Variants in DICER1 observed in about 807,000 individuals in gnomAD.
DICER1 encodes the protein endoribonuclease Dicer.
Under a neutral mutation model 194.1 loss-of-function variants are expected in DICER1, and 43 were observed. The ratio of observed to expected loss-of-function variants is 0.22; its 90% CI spans 0.17 to 0.29. The LOEUF is 0.29. DICER1 is among the 10% of genes least tolerant of loss of function. The probability of loss-of-function intolerance (pLI) is 1.00; values close to 1 mark genes in which losing one functional copy is unlikely to be tolerated. For missense variants in DICER1, 1,608 were observed against 2,317.0 expected, an observed-to-expected ratio of 0.69 and a Z score of 6.28; for synonymous variants, 832 against 820.5, an observed-to-expected ratio of 1.01 and a Z score of -0.24.
At position 95,090,006 on chromosome 14, in the gene DICER1, C is replaced by G. The variant is rs1398170438; in HGVS notation, c.*492G>C. ...GTGGAAAGAAAAGACAACATTGGCG[C>G]ACTTCTCCTCTCGAAAACCTTATCT... On this transcript the variant is annotated 3_prime_UTR_variant, in exon 27 of 27. Coordinates refer to ENST00000343455, the MANE Select transcript of DICER1 (RefSeq NM_177438.3). The G allele has an allele frequency of 3.6e-6, 1 of 278,866 alleles. No individual in the cohort carries two copies. 17.3% of individuals were successfully genotyped at this position (278,866 alleles called of 1,614,324 possible).
intron 1 of DICER1, among the ~76,000 whole-genome samples, chr14:95,144,229 T>A (rs1164927124): frequency 6.6e-6 from 1 of 152,166 alleles, no homozygotes; most frequent in Non-Finnish European, 1.5e-5. Context: ...GTGACATCTA[T>A]ACACTGTCAC....
At chr14:95,135,655 A>C (rs577638115) in intron 1 of DICER1, among the ~76,000 whole-genome samples, 9 of 152,260 alleles carry the variant, frequency 5.9e-5, no homozygotes, top group Non-Finnish European at 7.3e-5. Flanking sequence ...AAATGGACAT[A>C]AAGATGGAAA....
rs756523199 is a variant in DICER1 at position 95,116,439 on chromosome 14, T to A, written c.1752+14A>T. On this transcript the variant is annotated intron_variant, in intron 10 of 26. Coordinates refer to ENST00000343455, the MANE Select transcript of DICER1 (RefSeq NM_177438.3). ...TTCCCAATCTGCCGGCACATGTTAA[T>A]ATGTTGATCTTACCTTTTCAATAGC... The A allele has an allele frequency of 6.2e-7, 1 of 1,609,038 alleles. No individual in the cohort carries two copies.
intron 14 of DICER1, among the ~76,000 whole-genome samples, chr14:95,109,333 A>G (rs1484216587): frequency 1.3e-5 from 2 of 152,260 alleles, no homozygotes; most frequent in African/African-American, 4.8e-5. Flanking sequence ...AGAGACAGTT[A>G]TATTTAATAG....
intron 8 of DICER1, among the ~76,000 whole-genome samples, chr14:95,120,967 A>T (rs1222289633): frequency 6.6e-6 from 1 of 152,246 alleles, no homozygotes; most frequent in African/African-American, 2.4e-5. Context: ...GAGAAAGCAG[A>T]CAAACACTAT....
chr14:95,140,084 C>T (rs1351609044), intron 1 of DICER1, among the ~76,000 whole-genome samples: 2 of 152,172 alleles, frequency 1.3e-5, no homozygotes. Context: ...GTTCTAGTTT[C>T]ACAGATAAAC....
intron 7 of DICER1, among the ~76,000 whole-genome samples, chr14:95,126,059 G>A (rs1043819111): frequency 8.3e-5 from 12 of 144,310 alleles, no homozygotes; most frequent in Admixed American, 7.5e-4. Context: ...ATTACTGGAG[G>A]GCTTATCGAA....
chr14:95,144,165 T>A (rs928857986), intron 1 of DICER1, among the ~76,000 whole-genome samples: 2 of 152,164 alleles, frequency 1.3e-5, no homozygotes, highest in African/African-American at 4.8e-5. Flanking sequence ...TATATACATA[T>A]AAACATGTAT....
intron 1 of DICER1, among the ~76,000 whole-genome samples, chr14:95,134,016 C>T (rs1279408113): frequency 6.6e-6 from 1 of 152,054 alleles, no homozygotes; most frequent in Non-Finnish European, 1.5e-5. Flanking sequence ...TTTGAACATT[C>T]TTTGTATATT....
rs1002596019 is a variant in DICER1 at position 95,090,920 on chromosome 14, C to T, written c.5603+114G>A. The stretch of plus-strand genomic sequence containing the variant: ...CAGATTACAAACAGAAATCTGACAA[C>T]AGCACACCACAGTGTAAATATTTTT... On this transcript the variant is annotated intron_variant, in intron 26 of 26. Coordinates refer to ENST00000343455, the MANE Select transcript of DICER1 (RefSeq NM_177438.3). 4.6e-6 allele frequency: 5 copies of T among 1,080,586 alleles called. No individual in the cohort carries two copies. In the African/African-American group the frequency reaches 7.9e-5, roughly 17 times the overall value. 66.9% of individuals were successfully genotyped at this position (1,080,586 alleles called of 1,614,324 possible). A position where few individuals can be genotyped will look rare whatever the true frequency, so the allele number is the denominator to read the frequency against.
intron 24 of DICER1, among the ~76,000 whole-genome samples, chr14:95,093,379 A>G (rs935995094): frequency 6.6e-6 from 1 of 152,214 alleles, no homozygotes; most frequent in African/African-American, 2.4e-5. Context: ...CTGAACTTAC[A>G]ATAGAAGCCT....
chr14:95,107,918 T>A lies in DICER1; in HGVS notation c.2612A>T (p.Asp871Val), dbSNP rs1555370776. 1.2e-6 allele frequency: 2 copies of A among 1,614,134 alleles called. No individual in the cohort carries two copies. The highest frequency in any genetic ancestry group is 1.6e-4 in the Middle Eastern group (1 of 6,062). The stretch of plus-strand genomic sequence containing the variant: ...TAGAACACAGTATGCTGAATCAGCG[T>A]CTGTAGGTTTAAATTCTAGTGCAGG... ...EKPALEFKPT[D>V]ADSAYCVLPL... Residue 871 changes from aspartate to valine, a missense_variant, in exon 16 of 27, where the codon GAC becomes GTC. Physicochemically the swap from Asp to Val is radical, Grantham distance 152. This residue lies in a region of DICER1 where 150 missense variants were observed against 216.0 expected (regional missense o/e 0.69). Transcript: ENST00000343455.
rs759530753 is a variant in DICER1, at chr14:95,116,516, T to C, written c.1689A>G (p.Leu563=). Residue 563 remains leucine (L), a synonymous_variant, in exon 10 of 27, where the codon TTA becomes TTG. Coordinates refer to ENST00000343455, the MANE Select transcript of DICER1 (RefSeq NM_177438.3). ...AACTTTTTATTTTGTCTGTATCCGC[T>C]AACATTATATAATTAGAGATGGGTG... The part of the protein sequence containing the change: ...ARAPISNYIM[L]ADTDKIKSFE... The C allele has an allele frequency of 8.7e-6, 14 of 1,613,812 alleles. No homozygotes were observed. The East Asian group carries it at 2.7e-4, about 31-fold the overall frequency.
At chr14:95,137,883 G>A (rs1313737539) in intron 1 of DICER1, 1 of 154,668 alleles carries the variant, frequency 6.5e-6, no homozygotes, top group East Asian at 1.9e-4. Context: ...AATCTGGACA[G>A]TTCTTCCTCG....
At position 95,133,514 on chromosome 14, in the gene DICER1, G is replaced by A. The variant is rs1354109045; in HGVS notation, c.-45-11C>T. ...TTCTAGCACAGCTTACTACAAAAGG[G>A]AAAAAGAATACCATTACACAATCAT... On this transcript the variant is annotated splice_polypyrimidine_tract_variant and intron_variant, in intron 1 of 26. Coordinates refer to ENST00000343455, the MANE Select transcript of DICER1 (RefSeq NM_177438.3). 1 of 1,548,188 alleles carries A rather than the reference G, an allele frequency of 6.5e-7. No individual in the cohort carries two copies. Among genetic ancestry groups the A allele is most frequent in the Non-Finnish European group, 8.8e-7 (1 of 1,136,664 alleles).
intron 1 of DICER1, among the ~76,000 whole-genome samples, chr14:95,138,913 C>A (rs1234258111): frequency 7.0e-6 from 1 of 142,970 alleles, no homozygotes; most frequent in Admixed American, 7.3e-5. Flanking sequence ...CACATGTATA[C>A]ATATGTAACT....
rs1890266460 is a variant in DICER1 at position 95,095,902 on chromosome 14, A to G, written c.5018T>C (p.Ile1673Thr). 6.2e-7 allele frequency: 1 copy of G among 1,614,014 alleles called. No homozygotes were observed. The highest frequency in any genetic ancestry group is 8.5e-7 in the Non-Finnish European group (1 of 1,179,970). ...ISGFENFEKK[I>T]NYRFKNKAYL... The stretch of plus-strand genomic sequence containing the variant: ...AGCCTTATTCTTGAATCTGTAGTTG[A>G]TTTTCTTTTCAAAATTTTCAAACCC... Residue 1673 changes from isoleucine (I) to threonine (T), a missense_variant, in exon 23 of 27, where the codon ATC becomes ACC. By Grantham distance (89) the Ile-to-Thr change is moderately conservative. Around this residue, in one of 10 missense-constraint regions of DICER1, gnomAD observed 125 missense variants for 134.9 expected, o/e 0.93. Coordinates refer to ENST00000343455, the MANE Select transcript of DICER1 (RefSeq NM_177438.3).
Position 95,088,603 on chromosome 14 carries a change from C to A in DICER1, c.*1895G>T, listed in dbSNP as rs1030933640. 14 of 231,674 alleles carry A rather than the reference C, an allele frequency of 6.0e-5. No homozygotes were observed. Among genetic ancestry groups the A allele is most frequent in the African/African-American group, 8.8e-5 (4 of 45,218 alleles). The allele number at this position is 231,674 out of a possible 1,614,324, so 14.4% of individuals were successfully genotyped here. On this transcript the variant is annotated 3_prime_UTR_variant, in exon 27 of 27. Transcript: ENST00000343455. ...CAAATAGACATCTAAGGTTCCAAATCGGAATTAAATATTTTTAAAACAAGT... is the reference window on the plus strand; with the variant it reads ...CAAATAGACATCTAAGGTTCCAAATAGGAATTAAATATTTTTAAAACAAGT...
In DICER1 at chr14:95,105,040, G is replaced by C. The variant is rs771421979; in HGVS notation, c.3269+31C>G. The C allele has an allele frequency of 1.1e-5, 18 of 1,604,984 alleles. No homozygotes were observed. In the South Asian group the frequency reaches 1.5e-4, roughly 14 times the overall value. ...TTTTGCAAACAGGATCTCATGATCT[G>C]TGTTCTTTCTGGCTGACTGCACAGG... On this transcript the variant is annotated intron_variant, in intron 20 of 26. Transcript: ENST00000343455. The surrounding 1 kb of genome is among the most constrained non-coding windows in gnomAD (Gnocchi z 4.9).
Sources: gnomAD v4.1 joint callset for allele counts (sites outside exome capture counted in the v4.1 genomes callset) on GRCh38, gnomAD v4.1.1 for gene constraint, gnomAD v4.1.1 regional missense constraint, Gnocchi (gnomAD v3.1) non-coding constraint, MANE v1.5 for transcripts, NCBI Gene and HGNC (gene_info 2026-07-23, HGNC 2026-07-21) for gene names.